Variants in FAF2 observed in about 807,000 individuals in gnomAD.
FAF2 encodes the protein FAS-associated factor 2.
In FAF2, 9 loss-of-function variants were observed where a neutral mutation model predicts 62.3. The ratio of observed to expected loss-of-function variants is 0.14; its 90% CI spans 0.09 to 0.25. The LOEUF is 0.25. FAF2 is among the 10% of genes least tolerant of loss of function. The probability of loss-of-function intolerance (pLI) is 1.00; values close to 1 mark genes in which losing one functional copy is unlikely to be tolerated. For missense variants in FAF2, 368 were observed against 556.2 expected, an observed-to-expected ratio of 0.66 and a Z score of 3.40; for synonymous variants, 202 against 198.0, an observed-to-expected ratio of 1.02 and a Z score of -0.17.
intron 7 of FAF2, among the ~76,000 whole-genome samples, chr5:176,495,496 T>C (rs1340989721): frequency 6.9e-6 from 1 of 144,260 alleles, no homozygotes; most frequent in Non-Finnish European, 1.5e-5. Flanking sequence ...AAAATCTTGG[T>C]CATTTGGACA....
At chr5:176,503,733 C>T (rs950238959) in intron 10 of FAF2, among the ~76,000 whole-genome samples, 1 of 152,126 alleles carries the variant, frequency 6.6e-6, no homozygotes, top group African/African-American at 2.4e-5. Flanking sequence ...ATAAAAGAGG[C>T]AGCTGACTTT....
At chr5:176,475,137 G>GTTA (rs146620409) in intron 1 of FAF2, among the ~76,000 whole-genome samples, 15,041 of 151,742 alleles carry the variant, frequency 0.099, 1,013 homozygotes, top group East Asian at 0.27. Flanking sequence ...TTTATTTAAG[G>GTTA]TTATTATTAT....
At chr5:176,480,347 A>G (rs1351444967) in intron 2 of FAF2, among the ~76,000 whole-genome samples, 1 of 151,824 alleles carries the variant, frequency 6.6e-6, no homozygotes, top group Non-Finnish European at 1.5e-5. Flanking sequence ...TTCGTTATTC[A>G]ACACATTTTT....
chr5:176,498,906 A>G lies in FAF2; in HGVS notation c.840-8A>G, dbSNP rs760682043. 8.2e-6 allele frequency: 13 copies of G among 1,585,530 alleles called. No individual in the cohort carries two copies. In the African/African-American group the frequency reaches 1.4e-4, roughly 17 times the overall value. ...GTTTTTCTTCTCTTGCTTTTGATCT[A>G]TTCACAGGGAAGAAAGAAACCAGAC... On this transcript the variant is annotated splice_polypyrimidine_tract_variant and splice_region_variant and intron_variant, in intron 8 of 10. Coordinates refer to ENST00000261942, the MANE Select transcript of FAF2 (RefSeq NM_014613.3).
At chr5:176,477,628 T>C (rs13170832) in intron 1 of FAF2, among the ~76,000 whole-genome samples, 5 of 152,354 alleles carry the variant, frequency 3.3e-5, no homozygotes, top group African/African-American at 1.2e-4. Flanking sequence ...TTAACATTTT[T>C]TATTGCAAGT....
intron 1 of FAF2, among the ~76,000 whole-genome samples, chr5:176,458,531 G>A (rs959727648): frequency 2.2e-5 from 3 of 133,402 alleles, no homozygotes; most frequent in Non-Finnish European, 4.6e-5. Flanking sequence ...AGCTTCCCGA[G>A]TAGCTGGGAT....
chr5:176,469,507 A>C (rs1158307475), intron 1 of FAF2, among the ~76,000 whole-genome samples: 1 of 152,240 alleles, frequency 6.6e-6, no homozygotes, highest in Non-Finnish European at 1.5e-5. Flanking sequence ...TTAGGTTGGC[A>C]CTGAAATGGC....
intron 1 of FAF2, among the ~76,000 whole-genome samples, chr5:176,464,352 TCCACA>T (rs1758429332): frequency 2.0e-5 from 3 of 152,176 alleles, no homozygotes; most frequent in Non-Finnish European, 4.4e-5. Flanking sequence ...ACAGTAAACA[TCCACA>T]CTTGTGTAAT....
At chr5:176,451,294 C>T (rs1308640152) in intron 1 of FAF2, among the ~76,000 whole-genome samples, 1 of 152,118 alleles carries the variant, frequency 6.6e-6, no homozygotes, top group Non-Finnish European at 1.5e-5. Context: ...TCACTTGAAC[C>T]CGGGAGGTGG....
At position 176,486,413 on chromosome 5, in the gene FAF2, C is replaced by T. The variant is rs1758877118; in HGVS notation, c.191C>T (p.Pro64Leu). The change falls in exon 3 of 11, where the codon CCT becomes CTT. Residue 64 changes from proline (P) to leucine (L), a missense_variant. By Grantham distance (98) the Pro-to-Leu change is moderately conservative. Around this residue, in one of 2 missense-constraint regions of FAF2, gnomAD observed 331 missense variants for 441.9 expected, o/e 0.75. Coordinates refer to ENST00000261942, the MANE Select transcript of FAF2 (RefSeq NM_014613.3). ...QEGVPSVFNP[P>L]PSRPLQVNTA... is the part of the protein sequence containing the mutation. The stretch of plus-strand genomic sequence containing the variant: ...GGCGTACCTAGTGTTTTCAACCCAC[C>T]TCCATCACGACCCCTGCAGGTTAAT... 6.2e-7 allele frequency: 1 copy of T among 1,614,092 alleles called. No homozygotes were observed. The highest frequency in any genetic ancestry group is 2.2e-5 in the East Asian group (1 of 44,898).
chr5:176,497,137 C>T (rs1356132599), intron 8 of FAF2, among the ~76,000 whole-genome samples: 1 of 152,050 alleles, frequency 6.6e-6, no homozygotes, highest in African/African-American at 2.4e-5. Flanking sequence ...CAGAGCAGGA[C>T]TCTGTCTTTA....
At chr5:176,460,274 A>T (rs1758355156) in intron 1 of FAF2, among the ~76,000 whole-genome samples, 1 of 152,076 alleles carries the variant, frequency 6.6e-6, no homozygotes, top group Admixed American at 6.6e-5. Flanking sequence ...GTCAATTGAT[A>T]GTTCTGGTTT....
chr5:176,493,880 T>G (rs1759016821), intron 5 of FAF2, 119 bp from the exon 6 acceptor site: 6 of 682,056 alleles, frequency 8.8e-6, no homozygotes, highest in African/African-American at 1.8e-5. Flanking sequence ...TTGCTCACCT[T>G]TTTTCCTTAT....
At position 176,506,692 on chromosome 5, in the gene FAF2, TGTGTGCG is replaced by T. The variant is rs1479202504; in HGVS notation, c.1156-75_1156-69del. The stretch of plus-strand genomic sequence containing the variant: ...TGGGGTATATTTGACTTCAGAGTTG[TGTGTGCG>T]TGTGTGCGTGTGTGTGTGTGTATTT... On this transcript the variant is annotated intron_variant, in intron 10 of 10. Transcript: ENST00000261942. 970 of 125,706 alleles carry T rather than the reference TGTGTGCG, an allele frequency of 7.7e-3. 13 individuals carry two copies. The East Asian group carries it at 0.079, about 10-fold the overall frequency. 7.8% of individuals were successfully genotyped at this position (125,706 alleles called of 1,614,324 possible).
At chr5:176,469,424 G>C (rs539026423) in intron 1 of FAF2, among the ~76,000 whole-genome samples, 155 of 152,258 alleles carry the variant, frequency 1.0e-3, no homozygotes, top group Middle Eastern at 6.8e-3. Flanking sequence ...AGAATTGGTA[G>C]CAAAGCTAAT....
At chr5:176,498,780 G>A in intron 8 of FAF2, 134 bp from the exon 9 acceptor site, 1 of 756,912 alleles carries the variant, frequency 1.3e-6, no homozygotes, top group Non-Finnish European at 1.9e-6. Context: ...ATCCCTTATG[G>A]CAGTGTGAAA....
intron 1 of FAF2, among the ~76,000 whole-genome samples, chr5:176,478,474 G>C (rs987086941): frequency 2.0e-5 from 3 of 151,848 alleles, no homozygotes; most frequent in Non-Finnish European, 2.9e-5. Flanking sequence ...GCAAGACCCT[G>C]TCTCGAAAAA....
At position 176,508,745 on chromosome 5, in the gene FAF2, C is replaced by A. The variant is rs1755728942; in HGVS notation, c.*1795C>A. On this transcript the variant is annotated 3_prime_UTR_variant, in exon 11 of 11. Coordinates refer to ENST00000261942, the MANE Select transcript of FAF2 (RefSeq NM_014613.3). ...TCTGACTGCTGTCAATAAAATGTAT[C>A]TGGCGTGAACAGCAGGATAACCCAT... is the stretch of plus-strand genomic sequence containing the variant. 1 of 152,234 alleles carries A rather than the reference C, an allele frequency of 6.6e-6. No homozygotes were observed. Among genetic ancestry groups the A allele is most frequent in the Admixed American group, 6.5e-5 (1 of 15,282 alleles). 9.4% of individuals were successfully genotyped at this position (152,234 alleles called of 1,614,324 possible).
At chr5:176,478,802 G>A (rs1758743584) in intron 1 of FAF2, among the ~76,000 whole-genome samples, 1 of 152,182 alleles carries the variant, frequency 6.6e-6, no homozygotes, top group African/African-American at 2.4e-5. Flanking sequence ...AAATGTTGGA[G>A]CATTTTAGGT....
Sources: gnomAD v4.1 joint callset for allele counts (sites outside exome capture counted in the v4.1 genomes callset) on GRCh38, gnomAD v4.1.1 for gene constraint, gnomAD v4.1.1 regional missense constraint, MANE v1.5 for transcripts, NCBI Gene and HGNC (gene_info 2026-07-23, HGNC 2026-07-21) for gene names.